The following PLCE1 variants were observed in gnomAD, a reference collection of about 807,000 sequenced individuals.
PLCE1 encodes the protein phospholipase C epsilon 1, also known as 1-phosphatidylinositol 4,5-bisphosphate phosphodiesterase epsilon-1.
A neutral mutation model predicts 242.8 loss-of-function variants in PLCE1; 119 were observed. That is an observed-to-expected ratio of 0.49 (90% CI 0.42 to 0.57). PLCE1 has a LOEUF of 0.57. Among genes scored for constraint, PLCE1 ranks in the 20% least tolerant of loss-of-function variants. PLCE1 has a pLI of 0.00. For synonymous variants in PLCE1, 945 were observed against 1,017.4 expected, an observed-to-expected ratio of 0.93 and a Z score of 1.35; for missense variants, 2,441 against 2,788.8, an observed-to-expected ratio of 0.88 and a Z score of 2.81.
At chr10:94,260,076 G>T (rs1285712421) in intron 13 of PLCE1, among the ~76,000 whole-genome samples, 1 of 152,104 alleles carries the variant, frequency 6.6e-6, no homozygotes, top group Non-Finnish European at 1.5e-5. Flanking sequence ...TGAAATTTGG[G>T]TGGGGACACA....
intron 1 of PLCE1, among the ~76,000 whole-genome samples, chr10:93,997,244 T>A (rs550038455): frequency 3.9e-5 from 6 of 152,212 alleles, no homozygotes; most frequent in African/African-American, 1.4e-4. Flanking sequence ...GTTATGACAG[T>A]CTTTATTTTT....
intron 4 of PLCE1, among the ~76,000 whole-genome samples, chr10:94,204,983 G>A (rs1301064418): frequency 2.0e-5 from 3 of 152,144 alleles, no homozygotes; most frequent in African/African-American, 7.2e-5. Flanking sequence ...TCCAGTTCAG[G>A]TATGTTGCTC....
chr10:94,107,673 A>G (rs1316826723), intron 2 of PLCE1: 1 of 151,878 alleles, frequency 6.6e-6, no homozygotes, highest in Non-Finnish European at 1.5e-5. Flanking sequence ...CTGGATTTCT[A>G]ATTGGAGTTA....
At chr10:94,003,605 A>AG (rs60711149) in intron 1 of PLCE1, among the ~76,000 whole-genome samples, 150,991 of 152,310 alleles carry the variant, frequency 0.99, 74,844 homozygotes, top group African/African-American at 1. Context: ...AATTAAAATT[A>AG]TTTGCTGCTC....
chr10:94,066,509 G>T (rs1421471972), intron 2 of PLCE1, among the ~76,000 whole-genome samples: 1 of 152,112 alleles, frequency 6.6e-6, no homozygotes, highest in South Asian at 2.1e-4. Flanking sequence ...TATTAATGGA[G>T]AGGCAGGGAG....
intron 1 of PLCE1, among the ~76,000 whole-genome samples, chr10:94,005,814 T>A (rs1398094995): frequency 6.6e-6 from 1 of 152,216 alleles, no homozygotes; most frequent in Non-Finnish European, 1.5e-5. Flanking sequence ...GGCCTCACCT[T>A]CCCAGTCATG....
chr10:94,063,561 G>A (rs923944858), intron 2 of PLCE1, among the ~76,000 whole-genome samples: 1 of 152,176 alleles, frequency 6.6e-6, no homozygotes, highest in Admixed American at 6.5e-5. Context: ...CCTATCCTAA[G>A]CACATTTTCT....
intron 8 of PLCE1, among the ~76,000 whole-genome samples, 169 bp downstream of exon 8, chr10:94,246,790 T>G (rs2050698716): frequency 6.6e-6 from 1 of 152,088 alleles, no homozygotes; most frequent in Non-Finnish European, 1.5e-5. Flanking sequence ...TTCTATAAAA[T>G]GGAAATAATA....
intron 19 of PLCE1, among the ~76,000 whole-genome samples, chr10:94,278,656 C>A (rs553922425): frequency 1.1e-4 from 17 of 152,264 alleles, no homozygotes; most frequent in African/African-American, 3.8e-4. Flanking sequence ...TCTCACCAGA[C>A]AACCAGAGAA....
intron 4 of PLCE1, among the ~76,000 whole-genome samples, chr10:94,221,641 A>G (rs2049750279): frequency 6.6e-6 from 1 of 152,194 alleles, no homozygotes; most frequent in Non-Finnish European, 1.5e-5. Flanking sequence ...AGGCTGAGGC[A>G]GGAGAATCAC....
chr10:94,068,041 C>A (rs2044245600), intron 2 of PLCE1, among the ~76,000 whole-genome samples: 1 of 152,206 alleles, frequency 6.6e-6, no homozygotes, highest in African/African-American at 2.4e-5. Context: ...CTGCCTTGCA[C>A]CCTCCCCTGT....
At chr10:94,325,299 T>C (rs570344364) in intron 32 of PLCE1, 195 bp downstream of exon 32, 52 of 539,256 alleles carry the variant, frequency 9.6e-5, no homozygotes, top group East Asian at 1.7e-4. Context: ...ACACCGCCTA[T>C]AAAGAAAAAG....
intron 4 of PLCE1, among the ~76,000 whole-genome samples, chr10:94,220,376 T>TTATATATATTTATATATATATATA (rs2049688620): frequency 3.2e-5 from 2 of 61,878 alleles, no homozygotes; most frequent in Non-Finnish European, 5.8e-5. Context: ...ACTAAACATT[T>TTATATATATTTATATATATATATA]TATATATATA....
intron 2 of PLCE1, chr10:94,105,439 T>TA (rs1368168361): frequency 6.6e-6 from 1 of 152,198 alleles, no homozygotes; most frequent in African/African-American, 2.4e-5. Context: ...ATTAGGCACT[T>TA]ATCACCACTC....
intron 19 of PLCE1, among the ~76,000 whole-genome samples, chr10:94,274,568 C>T (rs751219077): frequency 3.3e-5 from 5 of 151,684 alleles, no homozygotes; most frequent in Non-Finnish European, 7.4e-5. Context: ...CTTTCAGGGG[C>T]TAAGCAGGAA....
In PLCE1 at chr10:93,993,934, C is replaced by A. The variant is rs1252639462; in HGVS notation, c.-689C>A. On this transcript the variant is annotated 5_prime_UTR_variant, in exon 1 of 33. Transcript: ENST00000371380. ...GCCCGCGCAGCCGCCGCTGTCCGGG[C>A]AGCGCGCACATCTCGGCGGGAGCGG... is the stretch of plus-strand genomic sequence containing the variant. 1.3e-5 allele frequency among the ~76,000 whole-genome samples: 2 copies of A among 150,952 alleles called. No homozygotes were observed. Among genetic ancestry groups the A allele is most frequent in the Non-Finnish European group, 3.0e-5 (2 of 67,628 alleles).
At chr10:94,068,824 C>T (rs1214161917) in intron 2 of PLCE1, among the ~76,000 whole-genome samples, 1 of 152,234 alleles carries the variant, frequency 6.6e-6, no homozygotes. Context: ...CTTAACAACA[C>T]TGCCATAAAG....
chr10:94,286,008 G>T (rs2052432827), intron 22 of PLCE1, among the ~76,000 whole-genome samples: 1 of 152,062 alleles, frequency 6.6e-6, no homozygotes, highest in Admixed American at 6.5e-5. Flanking sequence ...TTTCAATGAG[G>T]TACTCAATTA....
chr10:94,282,255 T>C (rs1296833872), intron 20 of PLCE1, among the ~76,000 whole-genome samples: 1 of 151,686 alleles, frequency 6.6e-6, no homozygotes, highest in East Asian at 1.9e-4. Context: ...AATGAGATAA[T>C]GCCTAGCCAC....
Sources: gnomAD v4.1 joint callset for allele counts (sites outside exome capture counted in the v4.1 genomes callset) on GRCh38, gnomAD v4.1.1 for gene constraint, MANE v1.5 for transcripts, NCBI Gene and HGNC (gene_info 2026-07-23, HGNC 2026-07-21) for gene names.